Variants in BRINP3 observed in about 807,000 individuals in gnomAD.
BRINP3 encodes BMP/retinoic acid-inducible neural-specific protein 3.
BRINP3 carries 19 observed loss-of-function variants against 71.0 expected under a neutral mutation model. That is an observed-to-expected ratio of 0.27 (90% CI 0.19 to 0.39). BRINP3 has a LOEUF of 0.39. Ranked by LOEUF, BRINP3 falls within the 10% of genes least tolerant of loss-of-function variation. The probability of loss-of-function intolerance (pLI) is 1.00; values close to 1 mark genes in which losing one functional copy is unlikely to be tolerated. For synonymous variants in BRINP3, 380 were observed against 337.7 expected (o/e 1.13, Z -1.37); for missense variants, 959 against 940.8 (o/e 1.02, Z -0.25).
chr1:190,391,589 G>C (rs762418175), intron 2 of BRINP3, among the ~76,000 whole-genome samples: 7 of 151,608 alleles, frequency 4.6e-5, no homozygotes, highest in East Asian at 3.9e-4. Context: ...AGAGATACTC[G>C]TAAAAATCAA....
In BRINP3 at chr1:190,098,943, C is replaced by T. The variant is rs776492382; in HGVS notation, c.1376G>A (p.Arg459His). 16 of 1,613,978 alleles carry T rather than the reference C, an allele frequency of 9.9e-6. No homozygotes were observed. In the East Asian group the frequency reaches 2.9e-4, roughly 29 times the overall value. Residue 459 changes from arginine to histidine, a missense_variant, in exon 8 of 8, where the codon CGC (arginine) becomes CAC (histidine). Coordinates refer to ENST00000367462, the MANE Select transcript of BRINP3 (RefSeq NM_199051.3). Reference protein sequence around the residue: ...CLTCAPDNRTRCGTCNTGYML... With the variant: ...CLTCAPDNRTHCGTCNTGYML... ...GTAGCCGGTGTTGCAGGTGCCGCAG[C>T]GGGTGCGGTTGTCTGGTGCGCATGT...
intron 2 of BRINP3, among the ~76,000 whole-genome samples, chr1:190,438,980 A>G (rs1674644559): frequency 6.6e-6 from 1 of 151,832 alleles, no homozygotes; most frequent in Non-Finnish European, 1.5e-5. Context: ...TTTTGTCCCC[A>G]GTTGCCTATG....
At chr1:190,295,058 G>A (rs1324839886) in intron 2 of BRINP3, among the ~76,000 whole-genome samples, 2 of 152,022 alleles carry the variant, frequency 1.3e-5, no homozygotes, top group Non-Finnish European at 2.9e-5. Flanking sequence ...AGCTTGTAAG[G>A]TACTGAATTG....
chr1:190,101,861 T>G (rs1401416590), intron 7 of BRINP3, among the ~76,000 whole-genome samples: 2 of 152,164 alleles, frequency 1.3e-5, no homozygotes, highest in African/African-American at 4.8e-5. Context: ...ATTTGGACAC[T>G]TTAGAAAAGC....
At chr1:190,367,670 C>T (rs920303713) in intron 2 of BRINP3, among the ~76,000 whole-genome samples, 3 of 152,188 alleles carry the variant, frequency 2.0e-5, no homozygotes, top group Non-Finnish European at 4.4e-5. Context: ...TTAGAAATTT[C>T]TTCCACCAAA....
intron 6 of BRINP3, among the ~76,000 whole-genome samples, chr1:190,168,609 A>C (rs1396194403): frequency 1.3e-5 from 2 of 152,336 alleles, no homozygotes; most frequent in East Asian, 3.9e-4. Context: ...AGATCAATTA[A>C]GACAAAAATA....
chr1:190,260,700 T>C (rs989667417), intron 4 of BRINP3, among the ~76,000 whole-genome samples: 1 of 152,100 alleles, frequency 6.6e-6, no homozygotes, highest in Non-Finnish European at 1.5e-5. Context: ...AAAATTTTAA[T>C]GTAATGTATT....
chr1:190,155,774 C>A (rs564391827), intron 7 of BRINP3, among the ~76,000 whole-genome samples: 9 of 151,946 alleles, frequency 5.9e-5, no homozygotes, highest in Non-Finnish European at 8.8e-5. Context: ...GCACTTCCCC[C>A]CTAGCTTCCT....
intron 6 of BRINP3, among the ~76,000 whole-genome samples, chr1:190,214,996 A>G (rs1656279385): frequency 6.6e-6 from 1 of 151,342 alleles, no homozygotes; most frequent in African/African-American, 2.4e-5. Flanking sequence ...ATGCCTTACA[A>G]CTCTCATAAA....
chr1:190,306,768 A>G (rs1558165756), intron 2 of BRINP3, among the ~76,000 whole-genome samples: 1 of 152,116 alleles, frequency 6.6e-6, no homozygotes, highest in East Asian at 1.9e-4. Flanking sequence ...GAATGAGGTT[A>G]AAGAGACCAG....
At chr1:190,472,089 C>T (rs1353066044) in intron 1 of BRINP3, among the ~76,000 whole-genome samples, 2 of 151,538 alleles carry the variant, frequency 1.3e-5, no homozygotes, top group African/African-American at 4.8e-5. Context: ...TTCAAACTTA[C>T]ATGGTATCCC....
At chr1:190,347,703 T>G (rs1341162903) in intron 2 of BRINP3, among the ~76,000 whole-genome samples, 1 of 152,140 alleles carries the variant, frequency 6.6e-6, no homozygotes, top group Non-Finnish European at 1.5e-5. Context: ...CTATAAATTT[T>G]TATTCTTATT....
In BRINP3 at chr1:190,234,362, A is replaced by T. The variant is rs1290453899; in HGVS notation, c.724+10T>A. ...GCTTGTAGAGAATTAATGAAATTTT[A>T]CCAACATACCTTGCAACTGAATCTT... On this transcript the variant is annotated intron_variant, in intron 5 of 7. Coordinates refer to ENST00000367462, the MANE Select transcript of BRINP3 (RefSeq NM_199051.3). The T allele has an allele frequency of 6.3e-7, 1 of 1,589,442 alleles. No individual in the cohort carries two copies. Among genetic ancestry groups the T allele is most frequent in the African/African-American group, 1.3e-5 (1 of 74,492 alleles).
At chr1:190,403,044 A>T (rs1331049969) in intron 2 of BRINP3, among the ~76,000 whole-genome samples, 1 of 152,166 alleles carries the variant, frequency 6.6e-6, no homozygotes, top group Non-Finnish European at 1.5e-5. Context: ...CTTCTGGTTT[A>T]AAAAAGGCAC....
At chr1:190,457,515 A>C (rs1676081331) in intron 1 of BRINP3, among the ~76,000 whole-genome samples, 1 of 151,968 alleles carries the variant, frequency 6.6e-6, no homozygotes, top group African/African-American at 2.4e-5. Context: ...GTTTGACTTT[A>C]GGCAAGTTAC....
intron 2 of BRINP3, among the ~76,000 whole-genome samples, chr1:190,302,052 T>G (rs934644943): frequency 3.3e-5 from 5 of 151,248 alleles, no homozygotes; most frequent in African/African-American, 1.2e-4. Flanking sequence ...AATATAGAGT[T>G]AATCCACATA....
chr1:190,409,307 T>A (rs1672503548), intron 2 of BRINP3, among the ~76,000 whole-genome samples: 1 of 152,172 alleles, frequency 6.6e-6, no homozygotes, highest in Non-Finnish European at 1.5e-5. Context: ...TTATTTTATT[T>A]AGTATACTGC....
intron 2 of BRINP3, among the ~76,000 whole-genome samples, chr1:190,416,043 C>T (rs1672985296): frequency 6.6e-6 from 1 of 152,102 alleles, no homozygotes; most frequent in Non-Finnish European, 1.5e-5. Flanking sequence ...AGTTAAAATA[C>T]ATTTTGGTCC....
chr1:190,329,032 A>G (rs1467458124), intron 2 of BRINP3, among the ~76,000 whole-genome samples: 3 of 152,166 alleles, frequency 2.0e-5, no homozygotes, highest in Non-Finnish European at 2.9e-5. Flanking sequence ...TCGAAATAAT[A>G]AGAGCCATAC....
Sources: allele counts gnomAD v4.1 joint callset (sites outside exome capture counted in the v4.1 genomes callset), GRCh38; gene constraint gnomAD v4.1.1; transcripts MANE v1.5; gene names NCBI Gene and HGNC (gene_info 2026-07-23, HGNC 2026-07-21).